NTF3: variants seen among roughly 807,000 people sequenced by gnomAD.
NTF3 encodes neurotrophin 3.
In NTF3, 8 loss-of-function variants were observed where a neutral mutation model predicts 26.3. The observed-to-expected ratio is 0.30, with a 90% CI of 0.18 to 0.55. NTF3 has a LOEUF of 0.55. NTF3 is among the 20% of genes least tolerant of loss of function. NTF3 has a pLI of 0.93. For missense variants in NTF3, 276 were observed against 352.9 expected, an observed-to-expected ratio of 0.78 and a Z score of 1.75; for synonymous variants, 154 against 145.5, an observed-to-expected ratio of 1.06 and a Z score of -0.42.
chr12:5,459,894 G>A (rs954378110), intron 1 of NTF3, among the ~76,000 whole-genome samples: 4 of 152,040 alleles, frequency 2.6e-5, no homozygotes, highest in Non-Finnish European at 4.4e-5. Context: ...CCAGATGCTC[G>A]TCCTCATTTG....
rs1309294121 is a variant in NTF3 at position 5,433,668 on chromosome 12, G to T, written c.18+1326G>T. Among the ~76,000 whole-genome samples the T allele has an allele frequency of 6.6e-6, 1 of 152,142 alleles. No individual in the cohort carries two copies. The highest frequency in any genetic ancestry group is 1.5e-5 in the Non-Finnish European group (1 of 68,032). On this transcript the variant is annotated intron_variant, in intron 1 of 1. Transcript: ENST00000423158. This position sits in a 1 kb window ranked among gnomAD's most constrained non-coding sequence, Gnocchi z 4.6. ...ATCCCTTTTGCTGGAATCGAGGCTGGGGTGGGATTGCCGGTGGGGGAAACA... is the reference window on the plus strand; with the variant it reads ...ATCCCTTTTGCTGGAATCGAGGCTGTGGTGGGATTGCCGGTGGGGGAAACA...
At chr12:5,464,944 G>T (rs1030581280) in intron 1 of NTF3, among the ~76,000 whole-genome samples, 1 of 152,156 alleles carries the variant, frequency 6.6e-6, no homozygotes, top group Non-Finnish European at 1.5e-5. Flanking sequence ...TCATTCACAG[G>T]TGAAATGACA....
At chr12:5,446,255 A>G (rs147876940) in intron 1 of NTF3, among the ~76,000 whole-genome samples, 2 of 152,184 alleles carry the variant, frequency 1.3e-5, no homozygotes, top group East Asian at 1.9e-4. Flanking sequence ...ATTATACCAG[A>G]CTTGAGGGCA....
intron 1 of NTF3, among the ~76,000 whole-genome samples, chr12:5,441,750 C>T (rs1940239311): frequency 6.6e-6 from 1 of 152,220 alleles, no homozygotes. Flanking sequence ...GAACTTGGCT[C>T]AGAGAGGCAG....
At chr12:5,434,011 G>T (rs553487938) in intron 1 of NTF3, among the ~76,000 whole-genome samples, 4 of 152,198 alleles carry the variant, frequency 2.6e-5, no homozygotes, top group African/African-American at 9.7e-5. Context: ...ACATGGAAGC[G>T]CTCTGTCCTA....
At chr12:5,448,943 T>C (rs1348583348) in intron 1 of NTF3, among the ~76,000 whole-genome samples, 1 of 152,220 alleles carries the variant, frequency 6.6e-6, no homozygotes, top group Non-Finnish European at 1.5e-5. Context: ...GTTCTTGATA[T>C]GGTAAGGTAT....
chr12:5,451,660 A>G (rs1480100159), intron 1 of NTF3, among the ~76,000 whole-genome samples: 1 of 152,140 alleles, frequency 6.6e-6, no homozygotes, highest in Non-Finnish European at 1.5e-5. Context: ...CTGTGTCTGT[A>G]TATGTGTATT....
At chr12:5,484,097 T>C (rs182658139) in intron 1 of NTF3, among the ~76,000 whole-genome samples, 59 of 152,302 alleles carry the variant, frequency 3.9e-4, no homozygotes, top group African/African-American at 1.4e-3. Flanking sequence ...CTTCCCTCCA[T>C]GTGTCCTTAA....
At chr12:5,441,914 G>A (rs756391416) in intron 1 of NTF3, among the ~76,000 whole-genome samples, 22 of 152,226 alleles carry the variant, frequency 1.4e-4, no homozygotes, top group Non-Finnish European at 3.2e-4. Flanking sequence ...AGCCTGCTTA[G>A]TTCTCCTGCA....
chr12:5,487,432 G>C (rs1049464002), intron 1 of NTF3, among the ~76,000 whole-genome samples: 1 of 152,208 alleles, frequency 6.6e-6, no homozygotes, highest in Non-Finnish European at 1.5e-5. Context: ...CTGTTCAGGG[G>C]TCCCTGTTCC....
chr12:5,431,560 T>G (rs1940086700), upstream of NTF3, among the ~76,000 whole-genome samples: 6 of 139,550 alleles, frequency 4.3e-5, no homozygotes, highest in African/African-American at 5.3e-5. Context: ...GGGGGAGGAG[T>G]GGCGGGTGGG....
In NTF3 at chr12:5,456,567, T is replaced by C. The variant is rs943966895; in HGVS notation, c.18+24225T>C. Among the ~76,000 whole-genome samples, 4 of 152,104 alleles carry C rather than the reference T, an allele frequency of 2.6e-5. No homozygotes were observed. The highest frequency in any genetic ancestry group is 4.4e-5 in the Non-Finnish European group (3 of 68,020). On this transcript the variant is annotated intron_variant, in intron 1 of 1. Coordinates refer to ENST00000423158, the MANE Select transcript of NTF3 (RefSeq NM_001102654.2). This position sits in a 1 kb window ranked among gnomAD's most constrained non-coding sequence, Gnocchi z 4.4. Reference sequence around the variant, plus strand: ...CAGAGGAGAGAAAGGGTCTGCATTCTGTTTGCAGCCCTGATCGTGAGCTCT... The same window carrying C: ...CAGAGGAGAGAAAGGGTCTGCATTCCGTTTGCAGCCCTGATCGTGAGCTCT...
intron 1 of NTF3, among the ~76,000 whole-genome samples, chr12:5,464,447 A>T (rs12424856): frequency 0.37 from 56,458 of 152,082 alleles, 10,838 homozygotes; most frequent in East Asian, 0.56. Context: ...CAACATACAA[A>T]GAGGTTGTGT....
intron 1 of NTF3, among the ~76,000 whole-genome samples, chr12:5,478,855 T>C (rs1467576735): frequency 3.3e-5 from 5 of 152,244 alleles, no homozygotes; most frequent in Non-Finnish European, 7.3e-5. Flanking sequence ...CCCTACTGTA[T>C]GTGCCCAGCA....
At chr12:5,430,954 C>T (rs1940078508), upstream of NTF3, among the ~76,000 whole-genome samples, 1 of 151,988 alleles carries the variant, frequency 6.6e-6, no homozygotes, top group East Asian at 1.9e-4. Context: ...TGCTTCCGGG[C>T]TCTCGATTTC....
At chr12:5,449,869 C>A (rs1369793606) in intron 1 of NTF3, among the ~76,000 whole-genome samples, 2 of 152,210 alleles carry the variant, frequency 1.3e-5, no homozygotes, top group African/African-American at 4.8e-5. Flanking sequence ...CCTCTTTGTG[C>A]CCTTTCTTAG....
chr12:5,485,604 A>T (rs1267290036), intron 1 of NTF3, among the ~76,000 whole-genome samples: 2 of 152,216 alleles, frequency 1.3e-5, no homozygotes, highest in Admixed American at 6.5e-5. Context: ...CTGTTATTAC[A>T]AGCGATTATT....
intron 1 of NTF3, among the ~76,000 whole-genome samples, chr12:5,480,231 G>A (rs1256465014): frequency 3.3e-5 from 5 of 152,118 alleles, no homozygotes; most frequent in African/African-American, 1.2e-4. Flanking sequence ...TGGCGCCTGG[G>A]GTGAGGGTCA....
intron 1 of NTF3, among the ~76,000 whole-genome samples, chr12:5,481,600 CACAT>C (rs1195913011): frequency 4.6e-5 from 6 of 131,034 alleles, no homozygotes; most frequent in Admixed American, 7.3e-5. Context: ...ACACCACACA[CACAT>C]ACAGACACAC....
Sources: gnomAD v4.1 joint callset for allele counts (sites outside exome capture counted in the v4.1 genomes callset) on GRCh38, gnomAD v4.1.1 for gene constraint, Gnocchi (gnomAD v3.1) non-coding constraint, MANE v1.5 for transcripts, NCBI Gene and HGNC (gene_info 2026-07-23, HGNC 2026-07-21) for gene names.